The following GPM6A variants were observed in gnomAD, a reference collection of about 807,000 sequenced individuals.
GPM6A encodes neuronal membrane glycoprotein M6-a.
GPM6A carries 7 observed loss-of-function variants against 32.1 expected under a neutral mutation model. That is an observed-to-expected ratio of 0.22 (90% CI 0.12 to 0.41). The LOEUF is 0.41. Among genes scored for constraint, GPM6A ranks in the 10% least tolerant of loss-of-function variants. The probability of loss-of-function intolerance (pLI) is 1.00; values close to 1 mark genes in which losing one functional copy is unlikely to be tolerated. For missense variants in GPM6A, 235 were observed against 347.2 expected, an observed-to-expected ratio of 0.68 and a Z score of 2.57; for synonymous variants, 130 against 123.4, an observed-to-expected ratio of 1.05 and a Z score of -0.35.
chr4:175,948,125 G>A (rs1188111669), intron 1 of GPM6A, among the ~76,000 whole-genome samples: 1 of 152,106 alleles, frequency 6.6e-6, no homozygotes, highest in Non-Finnish European at 1.5e-5. Context: ...CTTAATAAGT[G>A]CTACAGAGAG....
chr4:175,792,222 C>T (rs557335513), intron 1 of GPM6A, among the ~76,000 whole-genome samples: 9 of 152,090 alleles, frequency 5.9e-5, no homozygotes, highest in Admixed American at 2.6e-4. Context: ...AGTAACATAT[C>T]GTGTTTATTT....
At chr4:175,931,090 G>A (rs940840805) in intron 1 of GPM6A, among the ~76,000 whole-genome samples, 1 of 152,050 alleles carries the variant, frequency 6.6e-6, no homozygotes, top group Non-Finnish European at 1.5e-5. Context: ...CATTATTACT[G>A]TCATCAACAT....
chr4:175,889,529 AAAG>A (rs1318266991), intron 1 of GPM6A, among the ~76,000 whole-genome samples: 2 of 151,732 alleles, frequency 1.3e-5, no homozygotes, highest in Non-Finnish European at 2.9e-5. Context: ...AAAAAAAAAA[AAAG>A]AGGCCAGGCG....
chr4:175,712,407 G>A (rs1322106485), intron 1 of GPM6A, among the ~76,000 whole-genome samples: 1 of 152,208 alleles, frequency 6.6e-6, no homozygotes, highest in African/African-American at 2.4e-5. Flanking sequence ...AGAAGAGCTA[G>A]AGCAATTGGG....
chr4:175,871,500 T>A (rs1661463213), intron 1 of GPM6A, among the ~76,000 whole-genome samples: 1 of 152,066 alleles, frequency 6.6e-6, no homozygotes, highest in South Asian at 2.1e-4. Flanking sequence ...AAGAATTCAA[T>A]CTTACTAACA....
At chr4:175,947,122 TTTTC>T (rs1287704036) in intron 1 of GPM6A, among the ~76,000 whole-genome samples, 2 of 152,096 alleles carry the variant, frequency 1.3e-5, no homozygotes, top group African/African-American at 4.8e-5. Context: ...GACCAAATAA[TTTTC>T]TTTCTAATTT....
At chr4:175,766,788 G>T (rs1306951170) in intron 1 of GPM6A, among the ~76,000 whole-genome samples, 1 of 151,598 alleles carries the variant, frequency 6.6e-6, no homozygotes, top group Non-Finnish European at 1.5e-5. Context: ...CCGAGTAGCT[G>T]GAATTACAGG....
chr4:175,674,602 T>C (rs1348620655), intron 2 of GPM6A, among the ~76,000 whole-genome samples: 1 of 152,256 alleles, frequency 6.6e-6, no homozygotes, highest in Non-Finnish European at 1.5e-5. Flanking sequence ...GCTTTATACT[T>C]AATGATGCAG....
intron 1 of GPM6A, among the ~76,000 whole-genome samples, chr4:175,753,472 G>A (rs79712973): frequency 6.6e-6 from 1 of 152,076 alleles, no homozygotes; most frequent in Admixed American, 6.6e-5. Flanking sequence ...AAATAGGAAT[G>A]CAATTTTAAA....
chr4:175,839,359 T>C (rs1438925542), intron 1 of GPM6A, among the ~76,000 whole-genome samples: 1 of 149,728 alleles, frequency 6.7e-6, no homozygotes, highest in African/African-American at 2.6e-5. Context: ...ACGAAGAGGA[T>C]TAAAATATTC....
At chr4:175,883,586 C>T (rs1336159429) in intron 1 of GPM6A, among the ~76,000 whole-genome samples, 1 of 152,036 alleles carries the variant, frequency 6.6e-6, no homozygotes, top group East Asian at 1.9e-4. Context: ...ATGCATCTTC[C>T]CAAGTTATTA....
intron 2 of GPM6A, among the ~76,000 whole-genome samples, chr4:175,690,435 A>G (rs1311774644): frequency 6.6e-6 from 1 of 152,206 alleles, no homozygotes; most frequent in Non-Finnish European, 1.5e-5. Context: ...TGGCTTTTTA[A>G]AAAAGACGCA....
At chr4:175,927,484 C>G (rs903856660) in intron 1 of GPM6A, among the ~76,000 whole-genome samples, 18 of 152,192 alleles carry the variant, frequency 1.2e-4, no homozygotes, top group African/African-American at 4.1e-4. Context: ...GTGCAGTGGC[C>G]GAGCTAGACC....
chr4:175,787,201 C>CAT (rs767417769), intron 1 of GPM6A: 4 of 649,728 alleles, frequency 6.2e-6, no homozygotes, highest in Admixed American at 4.8e-5. Flanking sequence ...TTGGATGTGA[C>CAT]ATGCCAATTA....
intron 1 of GPM6A, among the ~76,000 whole-genome samples, chr4:175,960,076 T>C (rs976762134): frequency 1.3e-5 from 2 of 152,220 alleles, no homozygotes; most frequent in African/African-American, 2.4e-5. Context: ...AGCATCCTCA[T>C]TGAATAGGAC....
intron 3 of GPM6A, among the ~76,000 whole-genome samples, chr4:175,658,595 A>C (rs1742221868): frequency 6.6e-6 from 1 of 152,166 alleles, no homozygotes; most frequent in Admixed American, 6.5e-5. Context: ...GTGATGTGTC[A>C]ATGTAGATAC....
At chr4:175,867,186 C>A (rs760857343) in intron 1 of GPM6A, among the ~76,000 whole-genome samples, 4 of 152,074 alleles carry the variant, frequency 2.6e-5, no homozygotes, top group Non-Finnish European at 4.4e-5. Context: ...CAAATATTTT[C>A]TCTCAATGTG....
At chr4:175,883,255 G>A (rs1163543225) in intron 1 of GPM6A, among the ~76,000 whole-genome samples, 1 of 152,052 alleles carries the variant, frequency 6.6e-6, no homozygotes, top group Non-Finnish European at 1.5e-5. Flanking sequence ...GTAAGCTACT[G>A]CTCTAGACTA....
At chr4:175,952,422 C>A (rs1739845247) in intron 1 of GPM6A, among the ~76,000 whole-genome samples, 1 of 152,130 alleles carries the variant, frequency 6.6e-6, no homozygotes, top group South Asian at 2.1e-4. Context: ...GAATGGATGT[C>A]CCCAAAGCAA....
Sources: allele counts gnomAD v4.1 joint callset (sites outside exome capture counted in the v4.1 genomes callset), GRCh38; gene constraint gnomAD v4.1.1; transcripts MANE v1.5; gene names NCBI Gene and HGNC (gene_info 2026-07-23, HGNC 2026-07-21).